Variants in ZNF718 observed in about 807,000 individuals in gnomAD.
ZNF718 encodes the protein zinc finger protein 718.
A neutral mutation model predicts 2.6 loss-of-function variants in ZNF718; 3 were observed. The ratio of observed to expected loss-of-function variants is 1.16; its 90% CI spans 0.53 to 3.01. ZNF718 has a LOEUF of 3.01. Ranked by LOEUF, ZNF718 falls within the 30% of genes most tolerant of loss-of-function variation. ZNF718 has a pLI of 0.03. For synonymous variants in ZNF718, 135 were observed against 77.9 expected (o/e 1.73, Z -3.86); for missense variants, 468 against 230.0 (o/e 2.03, Z -6.69).
At chr4:178,305 A>G (rs998367379) in intron 3 of ZNF718, among the ~76,000 whole-genome samples, 9 of 151,876 alleles carry the variant, frequency 5.9e-5, no homozygotes, top group Non-Finnish European at 8.8e-5. Context: ...CACCTGGCTA[A>G]TTTTTGTATT....
chr4:159,511 G>A (rs981966810), intron 3 of ZNF718, among the ~76,000 whole-genome samples: 1 of 151,858 alleles, frequency 6.6e-6, no homozygotes, highest in African/African-American at 2.4e-5. Context: ...AACTTTGCTT[G>A]TATGTGTCTT....
chr4:152,211 G>A (rs1553812686), intron 3 of ZNF718, among the ~76,000 whole-genome samples: 1 of 145,398 alleles, frequency 6.9e-6, no homozygotes, highest in Non-Finnish European at 1.5e-5. Context: ...GGACAGGCAG[G>A]AGACAGATGC....
chr4:173,476 C>T (rs1553818497), intron 3 of ZNF718, among the ~76,000 whole-genome samples: 1 of 152,168 alleles, frequency 6.6e-6, no homozygotes, highest in African/African-American at 2.4e-5. Context: ...CTCAGCTCAG[C>T]AGTCAGAGCT....
At position 128,708 on chromosome 4, in the gene ZNF718, T is replaced by G. The variant is rs1248447860; in HGVS notation, c.4-2080T>G. On this transcript the variant is annotated intron_variant, in intron 1 of 3. Transcript: ENST00000510175. The stretch of plus-strand genomic sequence containing the variant: ...GATGTCATGTGCAGACTGGGGTCAG[T>G]CTGACAAGGTCTAATTCTGCTCCCA... 3.9e-5 allele frequency among the ~76,000 whole-genome samples: 4 copies of G among 102,748 alleles called. 1 individual carries two copies. Among genetic ancestry groups the G allele is most frequent in the African/African-American group, 1.4e-4 (4 of 29,480 alleles). 67.4% of individuals were successfully genotyped at this position (102,748 alleles called of 152,430 possible).
intron 3 of ZNF718, among the ~76,000 whole-genome samples, chr4:181,758 C>G (rs1581479293): frequency 1.3e-5 from 2 of 152,220 alleles, no homozygotes; most frequent in African/African-American, 4.8e-5. Flanking sequence ...ACAGATCATA[C>G]AGTCACCCAG....
chr4:150,040 T>C (rs1716248684), intron 3 of ZNF718: 2 of 150,212 alleles, frequency 1.3e-5, no homozygotes, highest in Non-Finnish European at 1.5e-5. Context: ...CTTCAGCTCC[T>C]GAAGAACACC....
chr4:184,404 G>A (rs958722307), intron 3 of ZNF718, among the ~76,000 whole-genome samples: 3 of 152,110 alleles, frequency 2.0e-5, no homozygotes, highest in Non-Finnish European at 2.9e-5. Flanking sequence ...GCTGGGTTGA[G>A]TTTGCCAGTA....
chr4:161,259 A>G lies in ZNF718; in HGVS notation c.574A>G (p.Ile192Val). Reference protein sequence around the residue: ...VLSRLTQHKRIHTGENPYTCE... With the variant: ...VLSRLTQHKRVHTGENPYTCE... ...CTCACGCCTAACTCAACACAAAAGAATTCATACTGGAGAGAACCCCTACAC... is the reference window on the plus strand; with the variant it reads ...CTCACGCCTAACTCAACACAAAAGAGTTCATACTGGAGAGAACCCCTACAC... Residue 192 changes from isoleucine (I) to valine (V), a missense_variant, in exon 4 of 4, where the codon ATT (isoleucine) becomes GTT (valine). Coordinates refer to ENST00000510175, the MANE Select transcript of ZNF718 (RefSeq NM_001039127.6). The G allele has an allele frequency of 1.3e-6, 1 of 779,166 alleles. No individual in the cohort carries two copies. 48.3% of individuals were successfully genotyped at this position (779,166 alleles called of 1,614,324 possible).
In ZNF718 at chr4:124,608, C is replaced by G; in HGVS notation, c.-63C>G. 6.2e-7 allele frequency: 1 copy of G among 1,600,384 alleles called. No individual in the cohort carries two copies. Among genetic ancestry groups the G allele is most frequent in the Non-Finnish European group, 8.5e-7 (1 of 1,177,604 alleles). ...TGCCACAGCCTCAGCCTCTGTGGCT[C>G]TGTGACCTGCCGGTATTGGATGATT... On this transcript the variant is annotated 5_prime_UTR_variant, in exon 1 of 4. Coordinates refer to ENST00000510175, the MANE Select transcript of ZNF718 (RefSeq NM_001039127.6).
chr4:174,733 G>C (rs1249095602), intron 3 of ZNF718, among the ~76,000 whole-genome samples: 3 of 152,144 alleles, frequency 2.0e-5, no homozygotes, highest in Non-Finnish European at 2.9e-5. Context: ...TAGTAGAATA[G>C]AAAAAATTCA....
At chr4:137,047 C>T (rs1394282133) in intron 3 of ZNF718, among the ~76,000 whole-genome samples, 1 of 152,078 alleles carries the variant, frequency 6.6e-6, no homozygotes, top group East Asian at 1.9e-4. Context: ...GTTTGTTCTC[C>T]TGAGATCTCA....
rs1296718594 is a variant in ZNF718 at position 131,422 on chromosome 4, C to G, written c.143C>G (p.Ser48Cys). 4.7e-5 allele frequency: 24 copies of G among 509,298 alleles called. 6 individuals are homozygous for G. The highest frequency in any genetic ancestry group is 4.2e-4 in the African/African-American group (17 of 40,936). The allele number at this position is 509,298 out of a possible 1,614,324, so 31.5% of individuals were successfully genotyped here. The change falls in exon 3 of 4, where the codon TCT becomes TGT. Residue 48 changes from serine to cysteine, a missense_variant. Transcript: ENST00000510175. ...TTTAATAAAACAGGTGTTAGTATCT[C>G]TAACCCAGACCTGGTCACCAGTCTG... Reference protein sequence around the residue: ...RNLVSLGVSISNPDLVTSLEQ... With the variant: ...RNLVSLGVSICNPDLVTSLEQ...
chr4:126,764 A>G (rs1244139227), intron 1 of ZNF718, among the ~76,000 whole-genome samples: 1 of 151,914 alleles, frequency 6.6e-6, no homozygotes, highest in Non-Finnish European at 1.5e-5. Context: ...TAATTATATA[A>G]CAAAACATTT....
intron 3 of ZNF718, among the ~76,000 whole-genome samples, chr4:173,586 A>G (rs1717285593): frequency 1.3e-5 from 2 of 152,106 alleles, no homozygotes; most frequent in South Asian, 4.2e-4. Context: ...CTTAACAGCC[A>G]TCTGAAAAGA....
At chr4:200,590 T>C (rs1461326376) in intron 3 of ZNF718, among the ~76,000 whole-genome samples, 1 of 152,194 alleles carries the variant, frequency 6.6e-6, no homozygotes, top group Non-Finnish European at 1.5e-5. Flanking sequence ...GTTTTGTTTT[T>C]GTTTTTTTTA....
At chr4:124,893 T>TC (rs1232436788) in intron 1 of ZNF718, 3 of 530,868 alleles carry the variant, frequency 5.7e-6, no homozygotes, top group Non-Finnish European at 6.6e-6. Context: ...CCCTGCACTT[T>TC]CCCCGGGCTG....
intron 3 of ZNF718, among the ~76,000 whole-genome samples, chr4:172,535 T>G (rs1179299874): frequency 2.0e-5 from 3 of 152,208 alleles, no homozygotes; most frequent in Non-Finnish European, 4.4e-5. Flanking sequence ...ACATAGGTAC[T>G]TATTTTACGG....
chr4:185,050 G>T (rs1456979186), intron 3 of ZNF718, among the ~76,000 whole-genome samples: 5 of 151,922 alleles, frequency 3.3e-5, no homozygotes, highest in African/African-American at 1.2e-4. Flanking sequence ...TAACTTTGGG[G>T]TTTGTTTGCT....
In ZNF718 at chr4:161,132, CAAAGTTTTTCATA is replaced by C; in HGVS notation, c.450_462del (p.Lys150AsnfsTer10). ...AAACAATTCAATCTAATATATGTGT[CAAAGTTTTTCATA>C]AATTTTCAAATTCAAACAAAGATAA... On this transcript the variant is annotated frameshift_variant, in exon 4 of 4. Coordinates refer to ENST00000510175, the MANE Select transcript of ZNF718 (RefSeq NM_001039127.6). LOFTEE classifies it low-confidence loss of function (END_TRUNC). The C allele has an allele frequency of 1.3e-6, 1 of 756,526 alleles. No homozygotes were observed. The highest frequency in any genetic ancestry group is 2.5e-6 in the Non-Finnish European group (1 of 405,450). 46.9% of individuals were successfully genotyped at this position (756,526 alleles called of 1,614,324 possible). A position where few individuals can be genotyped will look rare whatever the true frequency, so the allele number is the denominator to read the frequency against.
Sources: gnomAD v4.1 joint callset for allele counts (sites outside exome capture counted in the v4.1 genomes callset) on GRCh38, gnomAD v4.1.1 for gene constraint, MANE v1.5 for transcripts, NCBI Gene and HGNC (gene_info 2026-07-23, HGNC 2026-07-21) for gene names.